The following ETV6 variants were observed in gnomAD, a reference collection of about 807,000 sequenced individuals.
ETV6 encodes the protein ETS variant transcription factor 6, also known as transcription factor ETV6.
In ETV6, 16 loss-of-function variants were observed where a neutral mutation model predicts 51.1. The observed-to-expected ratio is 0.31, with a 90% confidence interval of 0.21 to 0.48. ETV6 has a LOEUF of 0.48. ETV6 is among the 20% of genes least tolerant of loss of function. The probability of loss-of-function intolerance (pLI) is 0.99; values close to 1 mark genes in which losing one functional copy is unlikely to be tolerated. For missense variants in ETV6, 458 were observed against 594.8 expected, an observed-to-expected ratio of 0.77 and a Z score of 2.39; for synonymous variants, 240 against 224.1, an observed-to-expected ratio of 1.07 and a Z score of -0.64.
intron 2 of ETV6, among the ~76,000 whole-genome samples, chr12:11,814,811 A>T (rs1945967445): frequency 6.6e-6 from 1 of 152,228 alleles, no homozygotes; most frequent in Non-Finnish European, 1.5e-5. Flanking sequence ...ACAAAAATGT[A>T]CTGCAGGGAA....
At chr12:11,795,469 A>T (rs1486347809) in intron 2 of ETV6, among the ~76,000 whole-genome samples, 1 of 152,272 alleles carries the variant, frequency 6.6e-6, no homozygotes, top group South Asian at 2.1e-4. Context: ...AACCAGGCCA[A>T]TAGAGCCAAA....
intron 2 of ETV6, among the ~76,000 whole-genome samples, chr12:11,760,061 A>T (rs1365625459): frequency 6.6e-6 from 1 of 152,130 alleles, no homozygotes; most frequent in Non-Finnish European, 1.5e-5. Flanking sequence ...TGCCTGTACC[A>T]TGTGTGAGTG....
chr12:11,748,005 C>T (rs563395917), intron 1 of ETV6, among the ~76,000 whole-genome samples: 12 of 152,358 alleles, frequency 7.9e-5, no homozygotes, highest in South Asian at 4.1e-4. Context: ...CATCAGCTTT[C>T]TCAGGCAGCT....
intron 1 of ETV6, among the ~76,000 whole-genome samples, chr12:11,714,649 GAAAAAAAAAAAAAAAA>G (rs10709538): frequency 2.3e-5 from 2 of 87,090 alleles, no homozygotes; most frequent in African/African-American, 9.7e-5. Flanking sequence ...ACCTTGAGGT[GAAAAAAAAAAAAAAAA>G]AAAAAAAGAT....
chr12:11,705,755 G>C (rs1221280870), intron 1 of ETV6, among the ~76,000 whole-genome samples: 1 of 152,212 alleles, frequency 6.6e-6, no homozygotes, highest in Non-Finnish European at 1.5e-5. Context: ...CCAAGGGAAA[G>C]ATGAGAAGGC....
intron 1 of ETV6, 85 bp downstream of exon 1, chr12:11,650,245 G>T: frequency 8.4e-7 from 1 of 1,191,124 alleles, no homozygotes; most frequent in Non-Finnish European, 1.3e-6. Context: ...CTCAGAGCAG[G>T]CTGTTGCAGT....
At chr12:11,786,748 T>A (rs940959852) in intron 2 of ETV6, among the ~76,000 whole-genome samples, 1 of 152,242 alleles carries the variant, frequency 6.6e-6, no homozygotes, top group Admixed American at 6.5e-5. Flanking sequence ...TTTGCATACA[T>A]CCATGCCTTT....
chr12:11,755,565 T>C (rs1219829281), intron 2 of ETV6, among the ~76,000 whole-genome samples: 1 of 152,166 alleles, frequency 6.6e-6, no homozygotes, highest in Non-Finnish European at 1.5e-5. Flanking sequence ...CTGCTTGTCA[T>C]CCTGTTTGAG....
chr12:11,727,568 G>T (rs1023920941), intron 1 of ETV6, among the ~76,000 whole-genome samples: 4 of 152,222 alleles, frequency 2.6e-5, no homozygotes, highest in African/African-American at 9.6e-5. Flanking sequence ...TAAGAAAACA[G>T]ACCCTTTAGC....
At chr12:11,747,801 T>C (rs1865935796) in intron 1 of ETV6, among the ~76,000 whole-genome samples, 1 of 152,226 alleles carries the variant, frequency 6.6e-6, no homozygotes, top group African/African-American at 2.4e-5. Context: ...CAATTTTTTG[T>C]TAATGTGTCT....
intron 1 of ETV6, among the ~76,000 whole-genome samples, chr12:11,721,541 A>G (rs1450528754): frequency 6.6e-6 from 1 of 152,194 alleles, no homozygotes; most frequent in Admixed American, 6.5e-5. Flanking sequence ...ACTCATGAAC[A>G]TAAACATGGG....
At chr12:11,844,708 T>A (rs537896847) in intron 3 of ETV6, among the ~76,000 whole-genome samples, 3 of 151,438 alleles carry the variant, frequency 2.0e-5, no homozygotes, top group African/African-American at 7.3e-5. Context: ...GCATGACCCT[T>A]GTCTGAAGAC....
chr12:11,664,778 C>T (rs1864165953), intron 1 of ETV6, among the ~76,000 whole-genome samples: 1 of 152,216 alleles, frequency 6.6e-6, no homozygotes, highest in Non-Finnish European at 1.5e-5. Context: ...CCGGCTGTCA[C>T]TGCCTTCCTT....
intron 2 of ETV6, among the ~76,000 whole-genome samples, chr12:11,763,051 T>A (rs1018817546): frequency 6.6e-6 from 1 of 152,180 alleles, no homozygotes; most frequent in Non-Finnish European, 1.5e-5. Flanking sequence ...AAACCTGTTA[T>A]TCGGATGGGT....
intron 2 of ETV6, among the ~76,000 whole-genome samples, chr12:11,799,386 T>G (rs1403617273): frequency 1.3e-5 from 2 of 152,176 alleles, no homozygotes; most frequent in African/African-American, 2.4e-5. Flanking sequence ...TAAGCACACA[T>G]GAAGTGTCCA....
intron 1 of ETV6, among the ~76,000 whole-genome samples, chr12:11,684,137 C>A (rs1324180791): frequency 6.6e-6 from 1 of 152,168 alleles, no homozygotes; most frequent in Non-Finnish European, 1.5e-5. Flanking sequence ...ACAATGTGGT[C>A]AATTAATTTT....
chr12:11,875,234 C>G (rs141455384), intron 5 of ETV6, among the ~76,000 whole-genome samples: 1 of 152,204 alleles, frequency 6.6e-6, no homozygotes, highest in East Asian at 1.9e-4. Context: ...ATAAGGAGAA[C>G]TGTTATTAAG....
chr12:11,678,231 C>T (rs1322381093), intron 1 of ETV6, among the ~76,000 whole-genome samples: 1 of 152,172 alleles, frequency 6.6e-6, no homozygotes, highest in Non-Finnish European at 1.5e-5. Flanking sequence ...GAGCAAATCT[C>T]GGCAATATCA....
chr12:11,853,595 GT>G, intron 4 of ETV6, 34 bp downstream of exon 4: 1 of 1,608,758 alleles, frequency 6.2e-7, no homozygotes, highest in Non-Finnish European at 8.5e-7. Context: ...CTTGCCTGAG[GT>G]TTAGACAAAT....
Sources: gnomAD v4.1 joint callset for allele counts (sites outside exome capture counted in the v4.1 genomes callset) on GRCh38, gnomAD v4.1.1 for gene constraint, MANE v1.5 for transcripts, NCBI Gene and HGNC (gene_info 2026-07-23, HGNC 2026-07-21) for gene names.